CNBD1: variants seen among roughly 807,000 people sequenced by gnomAD.
CNBD1 encodes cyclic nucleotide binding domain containing 1, also known as cyclic nucleotide-binding domain-containing protein 1.
CNBD1 carries 71 observed loss-of-function variants against 54.4 expected under a neutral mutation model. The ratio of observed to expected loss-of-function variants is 1.30; its 90% CI spans 1.08 to 1.59. CNBD1 has a LOEUF of 1.59. CNBD1 is among the 40% of genes most tolerant of loss of function. The pLI, the probability that CNBD1 is intolerant of heterozygous loss-of-function variation, is 0.00. For missense variants in CNBD1, 659 were observed against 518.0 expected (o/e 1.27, Z -2.64); for synonymous variants, 182 against 170.7 (o/e 1.07, Z -0.51).
intron 4 of CNBD1, among the ~76,000 whole-genome samples, chr8:87,058,419 G>A (rs1204747591): frequency 6.6e-6 from 1 of 152,194 alleles, no homozygotes; most frequent in Non-Finnish European, 1.5e-5. Context: ...GGGACTCTGT[G>A]TGGGGATTCC....
At chr8:87,365,309 T>A (rs1383352271) in intron 10 of CNBD1, among the ~76,000 whole-genome samples, 1 of 152,094 alleles carries the variant, frequency 6.6e-6, no homozygotes, top group Admixed American at 6.6e-5. Context: ...TATGCTAAAG[T>A]ATCTGTTCAT....
chr8:87,224,933 T>G (rs1814443301), intron 5 of CNBD1, among the ~76,000 whole-genome samples: 1 of 152,186 alleles, frequency 6.6e-6, no homozygotes, highest in Non-Finnish European at 1.5e-5. Flanking sequence ...CAGTGGTTTG[T>G]AATTCTCCTT....
chr8:87,249,265 G>A (rs547530484), intron 6 of CNBD1, among the ~76,000 whole-genome samples: 4 of 152,218 alleles, frequency 2.6e-5, no homozygotes, highest in Admixed American at 2.6e-4. Context: ...TAAGAATCTA[G>A]TGACACTACT....
chr8:86,884,098 G>A (rs1354996078), intron 1 of CNBD1, among the ~76,000 whole-genome samples: 2 of 151,224 alleles, frequency 1.3e-5, no homozygotes, highest in Non-Finnish European at 3.0e-5. Context: ...CTTGCAGTGA[G>A]CCGAGATCCC....
At chr8:86,952,760 T>G (rs1807657660) in intron 4 of CNBD1, among the ~76,000 whole-genome samples, 1 of 152,182 alleles carries the variant, frequency 6.6e-6, no homozygotes, top group Admixed American at 6.5e-5. Flanking sequence ...GTGATAACTT[T>G]TGACACGTGT....
intron 4 of CNBD1, among the ~76,000 whole-genome samples, chr8:87,140,132 A>G (rs931669667): frequency 1.3e-5 from 2 of 152,110 alleles, no homozygotes; most frequent in African/African-American, 4.8e-5. Context: ...GCTGACAAAC[A>G]TATTTTCCCA....
chr8:87,423,350 T>G (rs1361635752), intron 2 of CNBD1, among the ~76,000 whole-genome samples: 1 of 148,260 alleles, frequency 6.7e-6, no homozygotes, highest in Non-Finnish European at 1.5e-5. Flanking sequence ...CCCTGTCTTG[T>G]GCCAGTTTTC....
At chr8:87,226,750 T>G (rs1308133628) in intron 5 of CNBD1, among the ~76,000 whole-genome samples, 1 of 151,972 alleles carries the variant, frequency 6.6e-6, no homozygotes. Flanking sequence ...TAGATGTCTA[T>G]TAGGTCCGCT....
intron 5 of CNBD1, among the ~76,000 whole-genome samples, chr8:87,211,743 G>T (rs1336038185): frequency 6.6e-6 from 1 of 152,136 alleles, no homozygotes; most frequent in Non-Finnish European, 1.5e-5. Context: ...CCATGCTCAT[G>T]CAGCCTGCAG....
intron 6 of CNBD1, among the ~76,000 whole-genome samples, chr8:87,263,779 G>C (rs745620444): frequency 6.1e-4 from 92 of 152,054 alleles, no homozygotes; most frequent in Admixed American, 2.2e-3. Flanking sequence ...AACAAGCCTG[G>C]AAATGGAATT....
At chr8:87,072,624 G>A (rs1810781977) in intron 4 of CNBD1, among the ~76,000 whole-genome samples, 1 of 152,068 alleles carries the variant, frequency 6.6e-6, no homozygotes, top group East Asian at 1.9e-4. Flanking sequence ...TAAGAATGTT[G>A]AATATTGGCT....
chr8:86,885,391 C>A (rs987552760), intron 1 of CNBD1, among the ~76,000 whole-genome samples: 8 of 152,154 alleles, frequency 5.3e-5, no homozygotes, highest in African/African-American at 1.9e-4. Flanking sequence ...TTTCTAACCC[C>A]TTTCCAGCCC....
chr8:87,331,553 T>C (rs1236666365), intron 8 of CNBD1, among the ~76,000 whole-genome samples: 2 of 152,194 alleles, frequency 1.3e-5, no homozygotes, highest in Non-Finnish European at 2.9e-5. Context: ...AATAGAATGA[T>C]TTCTGTCCCT....
At chr8:87,152,345 G>A (rs1384936924) in intron 4 of CNBD1, among the ~76,000 whole-genome samples, 1 of 151,534 alleles carries the variant, frequency 6.6e-6, no homozygotes, top group Non-Finnish European at 1.5e-5. Flanking sequence ...TGTAACAGGG[G>A]TGTCCAATCT....
At chr8:87,370,339 C>A (rs527914636) in intron 10 of CNBD1, among the ~76,000 whole-genome samples, 120 of 152,260 alleles carry the variant, frequency 7.9e-4, no homozygotes, top group African/African-American at 2.9e-3. Context: ...TTTACAGTCC[C>A]ATCAACAGTG....
intron 4 of CNBD1, among the ~76,000 whole-genome samples, chr8:87,047,103 C>T (rs928535490): frequency 1.3e-5 from 2 of 152,140 alleles, no homozygotes; most frequent in Non-Finnish European, 2.9e-5. Flanking sequence ...TCCAGACCTC[C>T]TCACTTTTAG....
chr8:86,907,690 CAAAA>C (rs112383415), intron 3 of CNBD1, among the ~76,000 whole-genome samples: 1 of 148,326 alleles, frequency 6.7e-6, no homozygotes, highest in Non-Finnish European at 1.5e-5. Context: ...AACAAAAAAA[CAAAA>C]AAAAACCCCT....
At chr8:87,257,872 C>A (rs1213654569) in intron 6 of CNBD1, among the ~76,000 whole-genome samples, 1 of 152,056 alleles carries the variant, frequency 6.6e-6, no homozygotes, top group Admixed American at 6.6e-5. Flanking sequence ...CTTGGGTTAG[C>A]ATTTTTATAC....
chr8:86,930,235 TG>T (rs1809433010), intron 3 of CNBD1, among the ~76,000 whole-genome samples: 2 of 152,254 alleles, frequency 1.3e-5, no homozygotes, highest in Admixed American at 1.3e-4. Context: ...TGTTCTTTGC[TG>T]AGGTCTCTGC....
Sources: gnomAD v4.1 joint callset for allele counts (sites outside exome capture counted in the v4.1 genomes callset) on GRCh38, gnomAD v4.1.1 for gene constraint, MANE v1.5 for transcripts, NCBI Gene and HGNC (gene_info 2026-07-23, HGNC 2026-07-21) for gene names.